The following SLC9A1 variants were observed in gnomAD, a reference collection of about 807,000 sequenced individuals.
The protein encoded by SLC9A1 is sodium/hydrogen exchanger 1.
Under a neutral mutation model 67.9 loss-of-function variants are expected in SLC9A1, and 22 were observed. The observed-to-expected ratio is 0.32, with a 90% CI of 0.23 to 0.46. The LOEUF is 0.46. SLC9A1 is among the 20% of genes least tolerant of loss of function. The probability of loss-of-function intolerance (pLI) is 1.00; values close to 1 mark genes in which losing one functional copy is unlikely to be tolerated. For missense variants in SLC9A1, 686 were observed against 1,094.8 expected, an observed-to-expected ratio of 0.63 and a Z score of 5.27; for synonymous variants, 421 against 471.8, an observed-to-expected ratio of 0.89 and a Z score of 1.40.
Position 27,155,098 on chromosome 1 carries a change from C to T in SLC9A1, c.-764G>A, listed in dbSNP as rs551406943. Among the ~76,000 whole-genome samples, 1 of 152,174 alleles carries T rather than the reference C, an allele frequency of 6.6e-6. No individual in the cohort carries two copies. Among genetic ancestry groups the T allele is most frequent in the East Asian group, 1.9e-4 (1 of 5,172 alleles). ...TCCTGGTCCAGCTCCAGAACTAACC[C>T]TAGCCCCGGCCCCGGCGGCAGCAGA... On this transcript the variant is annotated 5_prime_UTR_variant, in exon 1 of 12. Coordinates refer to ENST00000263980, the MANE Select transcript of SLC9A1 (RefSeq NM_003047.5). The surrounding 1 kb of genome is among the most constrained non-coding windows in gnomAD (Gnocchi z 4.5).
intron 1 of SLC9A1, among the ~76,000 whole-genome samples, chr1:27,147,412 A>G (rs1236456505): frequency 1.3e-5 from 2 of 151,994 alleles, no homozygotes; most frequent in African/African-American, 4.8e-5. Context: ...GAATCACTTG[A>G]ACCTGGAGGC....
rs1056225455 is a variant in SLC9A1, at chr1:27,133,617, G to A, written c.353-19331C>T. Among the ~76,000 whole-genome samples the A allele has an allele frequency of 3.9e-5, 6 of 152,102 alleles. No homozygotes were observed. The East Asian group carries it at 1.2e-3, about 29-fold the overall frequency. The stretch of plus-strand genomic sequence containing the variant: ...GGTTTAGAGGTAGTTAGGACGGGAA[G>A]GGTGCTATGTGCCCTATTGGGTCAG... On this transcript the variant is annotated intron_variant, in intron 1 of 11. Coordinates refer to ENST00000263980, the MANE Select transcript of SLC9A1 (RefSeq NM_003047.5).
In SLC9A1 at chr1:27,109,786, G is replaced by A. The variant is rs1333177460; in HGVS notation, c.814-9C>T. 4 of 1,613,220 alleles carry A rather than the reference G, an allele frequency of 2.5e-6. No individual in the cohort carries two copies. The African/African-American group carries it at 5.3e-5, about 22-fold the overall frequency. On this transcript the variant is annotated splice_polypyrimidine_tract_variant and intron_variant, in intron 2 of 11. Transcript: ENST00000263980. The surrounding 1 kb of genome is among the most constrained non-coding windows in gnomAD (Gnocchi z 5.5). The stretch of plus-strand genomic sequence containing the variant: ...AAGAGGTGATACAGGACCTGGGGAG[G>A]GTGTGCAGGCTGGTGGGTGGGAGGA...
intron 1 of SLC9A1, among the ~76,000 whole-genome samples, chr1:27,150,887 A>T (rs1022474176): frequency 2.0e-5 from 3 of 152,158 alleles, no homozygotes; most frequent in African/African-American, 7.2e-5. Flanking sequence ...CTGCAAGGGA[A>T]GCAGCTGCCA....
At chr1:27,151,806 T>G (rs183696816) in intron 1 of SLC9A1, among the ~76,000 whole-genome samples, 260 of 152,284 alleles carry the variant, frequency 1.7e-3, no homozygotes, top group Admixed American at 3.9e-3. Context: ...TCTTCAGATC[T>G]TTAGACCACC....
intron 1 of SLC9A1, among the ~76,000 whole-genome samples, chr1:27,147,361 G>A (rs578210503): frequency 2.0e-3 from 304 of 150,230 alleles, no homozygotes; most frequent in Admixed American, 4.6e-3. Context: ...GGGTGGTGGC[G>A]CATGCCTGTA....
At chr1:27,120,283 G>A (rs888698172) in intron 1 of SLC9A1, among the ~76,000 whole-genome samples, 1 of 151,698 alleles carries the variant, frequency 6.6e-6, no homozygotes, top group Non-Finnish European at 1.5e-5. Flanking sequence ...CCACCATGGC[G>A]CCTGGCTAAT....
At chr1:27,148,905 C>T (rs1368643934) in intron 1 of SLC9A1, among the ~76,000 whole-genome samples, 1 of 152,162 alleles carries the variant, frequency 6.6e-6, no homozygotes, top group Non-Finnish European at 1.5e-5. Context: ...AAGGAGACCA[C>T]CCTTTACCTG....
At chr1:27,132,700 C>T (rs1256328341) in intron 1 of SLC9A1, among the ~76,000 whole-genome samples, 2 of 152,292 alleles carry the variant, frequency 1.3e-5, no homozygotes, top group East Asian at 3.9e-4. Context: ...TGTTCACTGC[C>T]ACTGGAATGA....
At chr1:27,135,059 T>A (rs566298104) in intron 1 of SLC9A1, among the ~76,000 whole-genome samples, 13 of 138,690 alleles carry the variant, frequency 9.4e-5, no homozygotes, top group East Asian at 8.0e-4. Flanking sequence ...TTATGCCAAA[T>A]TTTTTTTTTT....
rs751285062 is a variant in SLC9A1, at chr1:27,106,132, C to T, written c.1283-45G>A. ...GTGATGAGGGTCAGGTCGGGCTGTC[C>T]CCAGTCCCTCCTGGATTCTGCATCA... On this transcript the variant is annotated intron_variant, in intron 4 of 11. Coordinates refer to ENST00000263980, the MANE Select transcript of SLC9A1 (RefSeq NM_003047.5). The surrounding 1 kb of genome is among the most constrained non-coding windows in gnomAD (Gnocchi z 4.3). The T allele has an allele frequency of 1.4e-5, 18 of 1,263,712 alleles. No homozygotes were observed. The highest frequency in any genetic ancestry group is 2.1e-5 in the Non-Finnish European group (18 of 873,868). The allele number at this position is 1,263,712 out of a possible 1,614,324, so 78.3% of individuals were successfully genotyped here.
chr1:27,120,368 C>T (rs1484062877), intron 1 of SLC9A1, among the ~76,000 whole-genome samples: 1 of 151,630 alleles, frequency 6.6e-6, no homozygotes, highest in Non-Finnish European at 1.5e-5. Context: ...TCAGGTGATC[C>T]ACCCACCTTA....
At chr1:27,113,688 G>T in intron 2 of SLC9A1, 138 bp downstream of exon 2, 1 of 692,118 alleles carries the variant, frequency 1.4e-6, no homozygotes. Context: ...GCTCAGCATG[G>T]TGCCTGGCAT....
At chr1:27,122,722 G>A (rs1162458869) in intron 1 of SLC9A1, among the ~76,000 whole-genome samples, 1 of 152,170 alleles carries the variant, frequency 6.6e-6, no homozygotes, top group Non-Finnish European at 1.5e-5. Context: ...TAACCAGCCT[G>A]ACCTTCCCAA....
At chr1:27,136,426 G>A (rs1012525179) in intron 1 of SLC9A1, among the ~76,000 whole-genome samples, 3 of 152,300 alleles carry the variant, frequency 2.0e-5, no homozygotes, top group Middle Eastern at 3.4e-3. Context: ...GCTTGGCCCC[G>A]CCCACTGGGC....
Position 27,100,119 on chromosome 1 carries a change from G to A in SLC9A1, c.*188C>T. On this transcript the variant is annotated 3_prime_UTR_variant, in exon 12 of 12. Transcript: ENST00000263980. The surrounding 1 kb of genome is among the most constrained non-coding windows in gnomAD (Gnocchi z 5.6). Reference sequence around the variant, plus strand: ...ATGGATTGGGGAGGCAGCTCTGGTGGGGAGGATGCTTCCCGGGAGGCGGCA... The same window carrying A: ...ATGGATTGGGGAGGCAGCTCTGGTGAGGAGGATGCTTCCCGGGAGGCGGCA... 2.1e-6 allele frequency: 1 copy of A among 486,170 alleles called. No individual in the cohort carries two copies. The highest frequency in any genetic ancestry group is 5.3e-4 in the Middle Eastern group (1 of 1,878). 30.1% of individuals were successfully genotyped at this position (486,170 alleles called of 1,614,324 possible).
chr1:27,113,770 G>T, intron 2 of SLC9A1, 56 bp downstream of exon 2: 2 of 1,314,848 alleles, frequency 1.5e-6, no homozygotes, highest in South Asian at 1.3e-5. Context: ...TTCACTGGTG[G>T]GCCTGGATTT....
intron 6 of SLC9A1, among the ~76,000 whole-genome samples, chr1:27,102,970 C>T (rs894326893): frequency 1.3e-5 from 2 of 152,184 alleles, no homozygotes; most frequent in African/African-American, 4.8e-5. Flanking sequence ...CTTCTCTAAT[C>T]CCACCTGGGA....
intron 1 of SLC9A1, among the ~76,000 whole-genome samples, chr1:27,149,340 T>A (rs1246382133): frequency 1.3e-5 from 2 of 152,260 alleles, no homozygotes; most frequent in African/African-American, 4.8e-5. Context: ...ATAACCTCTC[T>A]GAGCCATTTC....
Sources: gnomAD v4.1 joint callset for allele counts (sites outside exome capture counted in the v4.1 genomes callset) on GRCh38, gnomAD v4.1.1 for gene constraint, Gnocchi (gnomAD v3.1) non-coding constraint, MANE v1.5 for transcripts, NCBI Gene and HGNC (gene_info 2026-07-23, HGNC 2026-07-21) for gene names.